PRKN: variants seen among roughly 807,000 people sequenced by gnomAD.
PRKN encodes E3 ubiquitin-protein ligase parkin.
PRKN carries 56 observed loss-of-function variants against 59.5 expected under a neutral mutation model. That is an observed-to-expected ratio of 0.94 (90% CI 0.76 to 1.18). The LOEUF is 1.18. PRKN is among the 50% of genes most tolerant of loss of function. PRKN has a pLI of 0.00. For synonymous variants in PRKN, 250 were observed against 222.1 expected (o/e 1.13, Z -1.12); for missense variants, 657 against 596.4 (o/e 1.10, Z -1.06).
intron 6 of PRKN, among the ~76,000 whole-genome samples, chr6:161,821,016 A>G (rs1207046012): frequency 6.6e-6 from 1 of 152,098 alleles, no homozygotes; most frequent in African/African-American, 2.4e-5. Context: ...AGATATACAT[A>G]CACATTTATG....
In PRKN at chr6:161,483,764, T is replaced by C. The variant is rs1791524620; in HGVS notation, c.1083+65090A>G. On this transcript the variant is annotated intron_variant, in intron 9 of 11. Transcript: ENST00000366898. The surrounding 1 kb of genome is among the most constrained non-coding windows in gnomAD (Gnocchi z 5.0). ...GAGCACTGTTCACAATAGCAAAGAC[T>C]TGGAATCAACCCAGATGCCCATCAT... 6.6e-6 allele frequency among the ~76,000 whole-genome samples: 1 copy of C among 152,130 alleles called. No individual in the cohort carries two copies. The highest frequency in any genetic ancestry group is 1.5e-5 in the Non-Finnish European group (1 of 68,032).
chr6:161,429,954 A>G lies in PRKN; in HGVS notation c.1084-43077T>C, dbSNP rs954583996. ...CCAGAGGTTCCTGGGTCAGAGACAA[A>G]GGACCATGCATTATTTACAGCAATA... On this transcript the variant is annotated intron_variant, in intron 9 of 11. Coordinates refer to ENST00000366898, the MANE Select transcript of PRKN (RefSeq NM_004562.3). The surrounding 1 kb of genome is among the most constrained non-coding windows in gnomAD (Gnocchi z 4.2). Among the ~76,000 whole-genome samples the G allele has an allele frequency of 1.3e-5, 2 of 152,206 alleles. No individual in the cohort carries two copies. Among genetic ancestry groups the G allele is most frequent in the Admixed American group, 1.3e-4 (2 of 15,284 alleles).
chr6:162,114,426 T>C (rs1202423786), intron 4 of PRKN, among the ~76,000 whole-genome samples: 431 of 151,922 alleles, frequency 2.8e-3, no homozygotes, highest in African/African-American at 9.8e-3. Flanking sequence ...GAAGAGGTCC[T>C]TCACATCCCT....
At chr6:161,863,464 C>T (rs1345846913) in intron 6 of PRKN, among the ~76,000 whole-genome samples, 1 of 152,112 alleles carries the variant, frequency 6.6e-6, no homozygotes, top group Non-Finnish European at 1.5e-5. Context: ...AACAAGTATG[C>T]CCCCTTATTC....
At chr6:161,640,114 T>C (rs1783684312) in intron 7 of PRKN, among the ~76,000 whole-genome samples, 1 of 152,198 alleles carries the variant, frequency 6.6e-6, no homozygotes, top group African/African-American at 2.4e-5. Flanking sequence ...TCTTTCACAC[T>C]TTTTGTTTAT....
At chr6:161,670,780 C>A (rs36177664) in intron 7 of PRKN, among the ~76,000 whole-genome samples, 20,582 of 151,906 alleles carry the variant, frequency 0.14, 2,215 homozygotes, top group Admixed American at 0.34. Flanking sequence ...AATGCCACTG[C>A]ACTCCAGCCT....
chr6:161,838,990 C>T (rs1427389528), intron 6 of PRKN, among the ~76,000 whole-genome samples: 1 of 152,068 alleles, frequency 6.6e-6, no homozygotes, highest in Admixed American at 6.5e-5. Flanking sequence ...AGTGCTTGCT[C>T]TAGAGGAGGA....
chr6:162,097,333 A>G (rs1779788764), intron 4 of PRKN, among the ~76,000 whole-genome samples: 1 of 152,214 alleles, frequency 6.6e-6, no homozygotes, highest in South Asian at 2.1e-4. Context: ...TCTTGTGTTC[A>G]AGCACATCAC....
intron 7 of PRKN, among the ~76,000 whole-genome samples, chr6:161,665,418 C>A (rs541819828): frequency 6.6e-6 from 1 of 152,216 alleles, no homozygotes; most frequent in Non-Finnish European, 1.5e-5. Context: ...ATGACTATTG[C>A]ATAATGGTAG....
chr6:162,247,377 G>T (rs188566987), intron 3 of PRKN, among the ~76,000 whole-genome samples: 1 of 152,184 alleles, frequency 6.6e-6, no homozygotes, highest in East Asian at 1.9e-4. Context: ...TATATGAAAT[G>T]ACACCGTGAA....
intron 2 of PRKN, among the ~76,000 whole-genome samples, chr6:162,407,992 A>G (rs954185037): frequency 1.3e-5 from 2 of 152,222 alleles, no homozygotes; most frequent in African/African-American, 2.4e-5. Context: ...ATCAAGTTAA[A>G]AAGTTTTATT....
intron 4 of PRKN, among the ~76,000 whole-genome samples, chr6:162,067,227 T>C (rs543823660): frequency 1.7e-4 from 26 of 152,318 alleles, no homozygotes; most frequent in African/African-American, 6.0e-4. Context: ...AGAGAAAAAC[T>C]GAACTCTCAC....
chr6:162,063,412 A>T (rs1387473426), intron 4 of PRKN, among the ~76,000 whole-genome samples: 1 of 152,202 alleles, frequency 6.6e-6, no homozygotes, highest in Non-Finnish European at 1.5e-5. Flanking sequence ...AAATCACAAG[A>T]TACAATTTCA....
At chr6:161,769,398 A>T (rs9355933) in intron 7 of PRKN, among the ~76,000 whole-genome samples, 140,743 of 152,222 alleles carry the variant, frequency 0.92, 65,266 homozygotes, top group Middle Eastern at 0.97. Flanking sequence ...GGGCTGGTCA[A>T]TGAATTGGCA....
At chr6:161,777,822 ATATGTATATG>A (rs1282078888) in intron 7 of PRKN, among the ~76,000 whole-genome samples, 10 of 137,740 alleles carry the variant, frequency 7.3e-5, no homozygotes, top group African/African-American at 3.1e-4. Context: ...ATATGTGTAT[ATATGTATATG>A]TATACGTATA....
chr6:161,839,357 G>A (rs1792890177), intron 6 of PRKN, among the ~76,000 whole-genome samples: 1 of 152,098 alleles, frequency 6.6e-6, no homozygotes, highest in Admixed American at 6.5e-5. Context: ...CACTAAGTCG[G>A]GGGTCACGGC....
chr6:161,649,957 T>A (rs1784089890), intron 7 of PRKN, among the ~76,000 whole-genome samples: 1 of 152,182 alleles, frequency 6.6e-6, no homozygotes. Context: ...TCAGCCACCA[T>A]GTTGTGAGGA....
intron 4 of PRKN, among the ~76,000 whole-genome samples, chr6:162,064,563 C>G (rs1429884831): frequency 6.6e-6 from 1 of 152,206 alleles, no homozygotes; most frequent in Non-Finnish European, 1.5e-5. Flanking sequence ...GGTTACTAAC[C>G]TTCATCATCA....
chr6:162,577,019 G>T (rs1451889023), intron 1 of PRKN, among the ~76,000 whole-genome samples: 34 of 151,996 alleles, frequency 2.2e-4, no homozygotes, highest in African/African-American at 2.4e-5. Context: ...CATAAAAAAT[G>T]ATGACAGATT....
Sources: gnomAD v4.1 joint callset for allele counts (sites outside exome capture counted in the v4.1 genomes callset) on GRCh38, gnomAD v4.1.1 for gene constraint, Gnocchi (gnomAD v3.1) non-coding constraint, MANE v1.5 for transcripts, NCBI Gene and HGNC (gene_info 2026-07-23, HGNC 2026-07-21) for gene names.